The following PCDHA5 variants were observed in gnomAD, a reference collection of about 807,000 sequenced individuals.
PCDHA5 encodes the protein protocadherin alpha 5, also known as protocadherin alpha-5.
In PCDHA5, 43 loss-of-function variants were observed where a neutral mutation model predicts 61.6. That is an observed-to-expected ratio of 0.70 (90% confidence interval 0.55 to 0.90). The LOEUF (loss-of-function observed/expected upper bound fraction) is 0.90. PCDHA5 is among the 40% of genes least tolerant of loss of function. PCDHA5 has a pLI of 0.00. For missense variants in PCDHA5, 1,298 were observed against 1,222.7 expected (o/e 1.06, Z -0.92); for synonymous variants, 627 against 543.9 (o/e 1.15, Z -2.13).
chr5:140,941,191 T>TTTCTTTCTTTCTTTCTTTC (rs1487503403), intron 1 of PCDHA5, among the ~76,000 whole-genome samples: 6 of 93,258 alleles, frequency 6.4e-5, no homozygotes, highest in Middle Eastern at 5.1e-3. Flanking sequence ...GCTTCTTTTT[T>TTTCTTTCTTTCTTTCTTTC]TTTCTTTCTT....
chr5:140,875,818 G>T (rs2055839936), intron 1 of PCDHA5: 1 of 1,614,100 alleles, frequency 6.2e-7, no homozygotes, highest in East Asian at 2.2e-5. Flanking sequence ...GCCGCTGCAG[G>T]TTTTCCATGT....
At chr5:140,860,225 A>C (rs2046280777) in intron 1 of PCDHA5, 1 of 151,528 alleles carries the variant, frequency 6.6e-6, no homozygotes, top group South Asian at 2.1e-4. Flanking sequence ...ATGTATATAT[A>C]AGCCAGGCAT....
At chr5:140,939,897 T>G (rs1563176465) in intron 1 of PCDHA5, among the ~76,000 whole-genome samples, 1 of 152,230 alleles carries the variant, frequency 6.6e-6, no homozygotes. Flanking sequence ...TCAAATATTC[T>G]GCATTCTTTT....
intron 3 of PCDHA5, among the ~76,000 whole-genome samples, chr5:140,999,654 C>T (rs180994815): frequency 1.3e-3 from 194 of 152,238 alleles, no homozygotes; most frequent in African/African-American, 4.4e-3. Context: ...AGCCTGAGCC[C>T]TGCTGGGTTG....
intron 1 of PCDHA5, chr5:140,884,516 T>C: frequency 6.2e-7 from 1 of 1,613,960 alleles, no homozygotes; most frequent in South Asian, 1.1e-5. Context: ...GAGTTGGTCG[T>C]ACTCGCAGCA....
intron 1 of PCDHA5, chr5:140,848,263 A>C: frequency 2.1e-6 from 1 of 484,676 alleles, no homozygotes; most frequent in Non-Finnish European, 3.6e-6. Context: ...TGAAATTTTT[A>C]TTCATGAAAT....
At chr5:140,881,304 C>T (rs1011967816) in intron 1 of PCDHA5, 1 of 965,928 alleles carries the variant, frequency 1.0e-6, no homozygotes, top group South Asian at 4.8e-5. Flanking sequence ...AAACTTTAAC[C>T]TCCTGGTTAA....
intron 1 of PCDHA5, chr5:140,877,139 T>C (rs781891057): frequency 8.7e-6 from 14 of 1,613,764 alleles, no homozygotes; most frequent in Admixed American, 1.7e-5. Context: ...GTGTTCGTGC[T>C]GGACGAGAAC....
At position 140,822,351 on chromosome 5, in the gene PCDHA5, G is replaced by A. The variant is rs2150115751; in HGVS notation, c.576G>A (p.Glu192=). 16 of 1,614,112 alleles carry A rather than the reference G, an allele frequency of 9.9e-6. No homozygotes were observed. The highest frequency in any genetic ancestry group is 1.4e-5 in the Non-Finnish European group (16 of 1,180,016). Residue 192 remains glutamate, a synonymous_variant, in exon 1 of 4, where the codon GAG becomes GAA. Coordinates refer to ENST00000529859, the MANE Select transcript of PCDHA5 (RefSeq NM_018908.3). ...KTNEEETNFL[E]LVLRKSLDRE... ...ATGAAGAAGAAACGAACTTTTTAGAGCTGGTTTTGAGGAAATCCTTAGATA... is the reference window on the plus strand; with the variant it reads ...ATGAAGAAGAAACGAACTTTTTAGAACTGGTTTTGAGGAAATCCTTAGATA...
At chr5:140,928,506 A>G (rs1554205940) in intron 1 of PCDHA5, 4 of 1,614,090 alleles carry the variant, frequency 2.5e-6, no homozygotes, top group African/African-American at 1.3e-5. Context: ...GAAGTGCAAC[A>G]GTGACTATAA....
rs2150128727 is a variant in PCDHA5 at position 140,823,745 on chromosome 5, C to T, written c.1970C>T (p.Pro657Leu). 9 of 1,613,834 alleles carry T rather than the reference C, an allele frequency of 5.6e-6. No homozygotes were observed. The highest frequency in any genetic ancestry group is 5.5e-5 in the South Asian group (5 of 91,084). Residue 657 changes from proline (P) to leucine (L), a missense_variant, in exon 1 of 4, where the codon CCG becomes CTG. Coordinates refer to ENST00000529859, the MANE Select transcript of PCDHA5 (RefSeq NM_018908.3). ...LVLVKDHGEP[P>L]LTATATVLVS... is the part of the protein sequence containing the mutation. ...CTGGTGAAGGACCATGGAGAGCCCCCGCTGACAGCCACAGCCACAGTGCTG... is the reference window on the plus strand; with the variant it reads ...CTGGTGAAGGACCATGGAGAGCCCCTGCTGACAGCCACAGCCACAGTGCTG...
chr5:140,975,868 C>T (rs553871611), intron 1 of PCDHA5, among the ~76,000 whole-genome samples: 2 of 152,222 alleles, frequency 1.3e-5, no homozygotes, highest in East Asian at 3.9e-4. Flanking sequence ...ATATGGACTA[C>T]CTAATTGATT....
chr5:140,886,498 C>T (rs1415505049), intron 1 of PCDHA5, among the ~76,000 whole-genome samples: 1 of 151,920 alleles, frequency 6.6e-6, no homozygotes, highest in African/African-American at 2.4e-5. Context: ...ATATCTTTTT[C>T]CTTTTATGGA....
At position 140,848,511 on chromosome 5, in the gene PCDHA5, C is replaced by A. The variant is rs1554142145; in HGVS notation, c.2352+24384C>A. On this transcript the variant is annotated intron_variant, in intron 1 of 3. Transcript: ENST00000529859. ...AGTATTTGAAATGTTATACTCAAGT[C>A]GAGGAGATCCAGAGGGTCAGCCTCT... is the stretch of plus-strand genomic sequence containing the variant. 3 of 1,589,608 alleles carry A rather than the reference C, an allele frequency of 1.9e-6. No individual in the cohort carries two copies. The Admixed American group carries it at 5.1e-5, about 27-fold the overall frequency.
rs2150163388 is a variant in PCDHA5, at chr5:140,829,170, G to T, written c.2352+5043G>T. The T allele has an allele frequency of 3.0e-5, 49 of 1,613,982 alleles. No individual in the cohort carries two copies. Among genetic ancestry groups the T allele is most frequent in the Non-Finnish European group, 4.0e-5 (47 of 1,179,950 alleles). ...CTGACTTCCTTATCCTTGCCTGTAC[G>T]TGAAGACGCTCAATTTGGTACTGTC... is the stretch of plus-strand genomic sequence containing the variant. On this transcript the variant is annotated intron_variant, in intron 1 of 3. Coordinates refer to ENST00000529859, the MANE Select transcript of PCDHA5 (RefSeq NM_018908.3).
rs2150436326 is a variant in PCDHA5 at position 140,849,370 on chromosome 5, A to C, written c.2352+25243A>C. ...GATGTTTCTCCAGATATAAAATCCA[A>C]GTTCCACATGGACCCCTTAAGTGGG... On this transcript the variant is annotated intron_variant, in intron 1 of 3. Transcript: ENST00000529859. 2.7e-6 allele frequency: 4 copies of C among 1,490,456 alleles called. No homozygotes were observed. The East Asian group carries it at 9.1e-5, about 34-fold the overall frequency. The allele number at this position is 1,490,456 out of a possible 1,614,324, so 92.3% of individuals were successfully genotyped here. A position where few individuals can be genotyped will look rare whatever the true frequency, so the allele number is the denominator to read the frequency against.
chr5:140,969,117 A>G (rs1554231477), intron 1 of PCDHA5: 1 of 1,614,178 alleles, frequency 6.2e-7, no homozygotes, highest in Non-Finnish European at 8.5e-7. Context: ...GTTCGAGGGA[A>G]TGGCTCCCTC....
At chr5:140,997,264 A>G (rs1554255813) in intron 3 of PCDHA5, among the ~76,000 whole-genome samples, 3 of 152,154 alleles carry the variant, frequency 2.0e-5, no homozygotes. Context: ...CACTCTTCCA[A>G]ATATTTCTTG....
intron 1 of PCDHA5, chr5:140,864,420 G>A (rs1430010861): frequency 5.3e-5 from 8 of 152,158 alleles, no homozygotes; most frequent in African/African-American, 1.4e-4. Flanking sequence ...AGGCAGCTTC[G>A]TCCACAAACA....
Sources: gnomAD v4.1 joint callset for allele counts (sites outside exome capture counted in the v4.1 genomes callset) on GRCh38, gnomAD v4.1.1 for gene constraint, MANE v1.5 for transcripts, NCBI Gene and HGNC (gene_info 2026-07-23, HGNC 2026-07-21) for gene names.